Variants in TCHP observed in about 807,000 individuals in gnomAD.
The protein encoded by TCHP is trichoplein keratin filament-binding protein.
A neutral mutation model predicts 88.7 loss-of-function variants in TCHP; 81 were observed. The ratio of observed to expected loss-of-function variants is 0.91; its 90% confidence interval spans 0.76 to 1.10. The LOEUF (loss-of-function observed/expected upper bound fraction) is 1.10. Ranked by LOEUF, TCHP falls within the 50% of genes least tolerant of loss-of-function variation. TCHP has a pLI of 0.00. For missense variants in TCHP, 641 were observed against 632.1 expected, an observed-to-expected ratio of 1.01 and a Z score of -0.15; for synonymous variants, 232 against 232.5, an observed-to-expected ratio of 1.00 and a Z score of 0.02.
Position 109,908,796 on chromosome 12 carries a change from T to G in TCHP, c.813-75T>G, listed in dbSNP as rs1870308048. On this transcript the variant is annotated intron_variant, in intron 7 of 12. Coordinates refer to ENST00000405876, the MANE Select transcript of TCHP (RefSeq NM_001143852.2). ...TGCTGAAACCATAAAGGAGACAGCC[T>G]GGTCAGCAGTTATCTAACTTCTATT... The G allele has an allele frequency of 5.1e-6, 8 of 1,578,298 alleles. 1 individual carries two copies. The South Asian group carries it at 8.9e-5, about 18-fold the overall frequency.
chr12:109,891,351 T>TA, the TCHP span, among the ~76,000 whole-genome samples: 1 of 152,048 alleles, frequency 6.6e-6, no homozygotes, highest in African/African-American at 2.4e-5. Flanking sequence ...CAGTTCTAAC[T>TA]AAAGGAGAAG....
intron 3 of TCHP, 110 bp from the exon 4 acceptor site, chr12:109,904,627 G>C: frequency 1.1e-6 from 1 of 871,548 alleles, no homozygotes; most frequent in Non-Finnish European, 1.8e-6. Flanking sequence ...TGCAGTGACG[G>C]TGTGAAGGGA....
chr12:109,890,218 G>A, the TCHP span, among the ~76,000 whole-genome samples: 1 of 150,228 alleles, frequency 6.7e-6, no homozygotes, highest in East Asian at 2.0e-4. Context: ...CTAAGACAGT[G>A]TCATAGCACA....
At chr12:109,882,767 C>G in the TCHP span, among the ~76,000 whole-genome samples, 1 of 145,964 alleles carries the variant, frequency 6.9e-6, no homozygotes, top group Admixed American at 7.0e-5. Context: ...AGGCAATTCT[C>G]TGCCTCAGCC....
At chr12:109,914,714 C>A in intron 11 of TCHP, 87 bp downstream of exon 11, 1 of 1,186,448 alleles carries the variant, frequency 8.4e-7, no homozygotes, top group Non-Finnish European at 1.2e-6. Flanking sequence ...GCTGGACTGC[C>A]TGGCAGGGCT....
chr12:109,882,647 A>ATTT, the TCHP span, among the ~76,000 whole-genome samples: 50 of 80,200 alleles, frequency 6.2e-4, no homozygotes, highest in African/African-American at 1.3e-3. Flanking sequence ...AAGAGTTTGG[A>ATTT]TTTTTTTTTT....
intron 10 of TCHP, 51 bp downstream of exon 10, chr12:109,913,123 TC>T (rs1293652244): frequency 1.3e-5 from 20 of 1,563,986 alleles, no homozygotes; most frequent in Non-Finnish European, 1.8e-5. Context: ...TGGGCAGGTG[TC>T]TGGAAGTCCA....
At chr12:109,914,245 A>G (rs1870666566) in intron 10 of TCHP, 197 bp from the exon 11 acceptor site, 1 of 490,186 alleles carries the variant, frequency 2.0e-6, no homozygotes, top group East Asian at 3.6e-5. Flanking sequence ...TGCGAGGGAA[A>G]CATTTCTTGT....
Position 109,914,616 on chromosome 12 carries a change from C to T in TCHP, c.1309C>T (p.Leu437=). 1.2e-6 allele frequency: 2 copies of T among 1,611,142 alleles called. No individual in the cohort carries two copies. Among genetic ancestry groups the T allele is most frequent in the Non-Finnish European group, 1.7e-6 (2 of 1,179,484 alleles). Residue 437 remains leucine (L), a synonymous_variant, in exon 11 of 13, where the codon CTG becomes TTG. Coordinates refer to ENST00000405876, the MANE Select transcript of TCHP (RefSeq NM_001143852.2). ...GCTGAAATCGGCCAGGAAGCAGGAG[C>T]TGGAAGCCCAGGTAGGGCTGAGCCC... is the stretch of plus-strand genomic sequence containing the variant. ...EKLKSARKQE[L]EAQVAERRLQ...
chr12:109,896,848 G>A (rs925125006), upstream of TCHP, among the ~76,000 whole-genome samples: 9 of 152,204 alleles, frequency 5.9e-5, no homozygotes, highest in Non-Finnish European at 1.2e-4. Flanking sequence ...CTGGGAGGCA[G>A]AGGCTGCAGT....
At position 109,908,920 on chromosome 12, in the gene TCHP, C is replaced by T. The variant is rs756538535; in HGVS notation, c.862C>T (p.Gln288Ter). ...CGCTCAACTCAGCAGACGCACACAG[C>T]AGATCCAAGAGGAGCTGGTAAGTCT... The part of the protein sequence containing the change: ...YNAQLSRRTQ[Q>*]IQEELEADRR... The change falls in exon 8 of 13, where the codon CAG (glutamine) becomes TAG (stop). Residue 288 changes from glutamine to a stop codon, truncating the protein, a stop_gained. Transcript: ENST00000405876. LOFTEE classifies it high-confidence loss of function. The T allele has an allele frequency of 6.2e-7, 1 of 1,614,088 alleles. No individual in the cohort carries two copies.
chr12:109,906,751 T>C, intron 5 of TCHP, 111 bp downstream of exon 5: 1 of 823,054 alleles, frequency 1.2e-6, no homozygotes, highest in Non-Finnish European at 2.0e-6. Flanking sequence ...AGGAGTGTAG[T>C]GTACTCTTTT....
At chr12:109,889,467 C>CAA in the TCHP span, among the ~76,000 whole-genome samples, 1 of 140,564 alleles carries the variant, frequency 7.1e-6, no homozygotes, top group African/African-American at 2.7e-5. Context: ...GACTCCATCT[C>CAA]AAAAAAAAAG....
Position 109,903,978 on chromosome 12 carries a change from G to A in TCHP, c.230G>A (p.Arg77Lys), listed in dbSNP as rs1248533211. The change falls in exon 3 of 13, where the codon AGG (arginine) becomes AAG (lysine). Residue 77 changes from arginine (R) to lysine (K), a missense_variant. Transcript: ENST00000405876. The surrounding 1 kb of genome is among the most constrained non-coding windows in gnomAD (Gnocchi z 4.6). ...YQREKMKEEK[R>K]RSLEARREKL... ...CGGGAGAAGATGAAGGAGGAGAAGA[G>A]GAGGAGTCTGGAGGCCCGACGGGAA... is the stretch of plus-strand genomic sequence containing the variant. The A allele has an allele frequency of 6.2e-7, 1 of 1,610,988 alleles. No individual in the cohort carries two copies. Among genetic ancestry groups the A allele is most frequent in the Non-Finnish European group, 8.5e-7 (1 of 1,178,956 alleles).
the TCHP span, among the ~76,000 whole-genome samples, chr12:109,885,592 C>T: frequency 6.6e-6 from 1 of 150,624 alleles, no homozygotes; most frequent in African/African-American, 2.4e-5. Flanking sequence ...GCGCCATTCT[C>T]CTGCCTCAGC....
At chr12:109,908,077 A>T (rs570739966) in intron 6 of TCHP, among the ~76,000 whole-genome samples, 1 of 152,236 alleles carries the variant, frequency 6.6e-6, no homozygotes, top group South Asian at 2.1e-4. Context: ...GGCATAACTG[A>T]GGGTTTTTGG....
chr12:109,917,139 T>C lies in TCHP; in HGVS notation c.*516T>C, dbSNP rs1382962845. ...GGTCCCAAAAGTATTACATCTTTTA[T>C]ATTCTGGAAGAAAAGAACTGTGAAC... On this transcript the variant is annotated 3_prime_UTR_variant, in exon 13 of 13. Transcript: ENST00000405876. The C allele has an allele frequency of 6.6e-6, 1 of 152,440 alleles. No homozygotes were observed. Among genetic ancestry groups the C allele is most frequent in the East Asian group, 1.9e-4 (1 of 5,210 alleles). 9.4% of individuals were successfully genotyped at this position (152,440 alleles called of 1,614,324 possible). A position where few individuals can be genotyped will look rare whatever the true frequency, so the allele number is the denominator to read the frequency against.
rs752376119 is a variant in TCHP, at chr12:109,903,088, C to T, written c.62C>T (p.Ala21Val). 37 of 1,613,698 alleles carry T rather than the reference C, an allele frequency of 2.3e-5. No individual in the cohort carries two copies. The highest frequency in any genetic ancestry group is 4.0e-5 in the African/African-American group (3 of 74,900). Residue 21 changes from alanine (A) to valine (V), a missense_variant, in exon 2 of 13, where the codon GCA (alanine) becomes GTA (valine). Transcript: ENST00000405876. The surrounding 1 kb of genome is among the most constrained non-coding windows in gnomAD (Gnocchi z 4.6). ...CSQQRLNQQLARQREQEARLR... is the reference protein window; with the variant it reads ...CSQQRLNQQLVRQREQEARLR... ...CAGCAGCGCCTGAATCAGCAGCTAG[C>T]ACGACAGCGAGAGCAGGAGGCCCGG...
rs1870323590 is a variant in TCHP, at chr12:109,908,934, G to C, written c.876G>C (p.Glu292Asp). 4.3e-6 allele frequency: 7 copies of C among 1,614,242 alleles called. No individual in the cohort carries two copies. Among genetic ancestry groups the C allele is most frequent in the Non-Finnish European group, 5.9e-6 (7 of 1,180,028 alleles). The change falls in exon 8 of 13, where the codon GAG becomes GAC. Residue 292 changes from glutamate (E) to aspartate (D), a missense_variant. Coordinates refer to ENST00000405876, the MANE Select transcript of TCHP (RefSeq NM_001143852.2). ...GACGCACACAGCAGATCCAAGAGGA[G>C]CTGGTAAGTCTGAAGAGACAGCCTG... ...LSRRTQQIQE[E>D]LEADRRILQA...
Sources: gnomAD v4.1 joint callset for allele counts (sites outside exome capture counted in the v4.1 genomes callset) on GRCh38, gnomAD v4.1.1 for gene constraint, Gnocchi (gnomAD v3.1) non-coding constraint, MANE v1.5 for transcripts, NCBI Gene and HGNC (gene_info 2026-07-23, HGNC 2026-07-21) for gene names.